BABAM2: variants seen among roughly 807,000 people sequenced by gnomAD.
BABAM2 encodes BRISC and BRCA1-A complex member 2.
Under a neutral mutation model 54.7 loss-of-function variants are expected in BABAM2, and 31 were observed. That is an observed-to-expected ratio of 0.57 (90% CI 0.43 to 0.77). The LOEUF (loss-of-function observed/expected upper bound fraction) is 0.77, where lower values mean the gene tolerates loss of function less well. BABAM2 is among the 30% of genes least tolerant of loss of function. The probability of loss-of-function intolerance (pLI) is 0.00; values close to 1 mark genes in which losing one functional copy is unlikely to be tolerated. For missense variants in BABAM2, 364 were observed against 455.8 expected (o/e 0.80, Z 1.83); for synonymous variants, 167 against 162.9 (o/e 1.03, Z -0.19).
chr2:28,066,391 A>G (rs1229721324), intron 6 of BABAM2, among the ~76,000 whole-genome samples: 1 of 152,096 alleles, frequency 6.6e-6, no homozygotes, highest in Non-Finnish European at 1.5e-5. Context: ...ATTATTATAT[A>G]TATTTATATT....
At chr2:28,327,051 G>A (rs1237793371) in intron 11 of BABAM2, among the ~76,000 whole-genome samples, 2 of 152,228 alleles carry the variant, frequency 1.3e-5, no homozygotes, top group Non-Finnish European at 2.9e-5. Context: ...TGCAAAGATG[G>A]ATGAATACGA....
intron 11 of BABAM2, among the ~76,000 whole-genome samples, chr2:28,332,875 A>G (rs147954065): frequency 6.6e-5 from 10 of 152,320 alleles, no homozygotes; most frequent in African/African-American, 2.2e-4. Context: ...ACAGTGTCCC[A>G]TGACTTTGGC....
chr2:27,987,567 C>T (rs1007515562), intron 3 of BABAM2, among the ~76,000 whole-genome samples: 1 of 152,042 alleles, frequency 6.6e-6, no homozygotes, highest in Non-Finnish European at 1.5e-5. Flanking sequence ...ATAATCCCAG[C>T]ACTTTGGGAG....
intron 3 of BABAM2, among the ~76,000 whole-genome samples, chr2:27,984,656 G>GT (rs1476138241): frequency 1.7e-4 from 25 of 151,280 alleles, no homozygotes; most frequent in African/African-American, 4.4e-4. Context: ...TTTATTTTTA[G>GT]TTTTTTTTGT....
chr2:28,338,825 C>T lies in BABAM2; in HGVS notation c.*312C>T. The stretch of plus-strand genomic sequence containing the variant: ...AAGTAAAGCCTCAGGAATGCCCACG[C>T]CTTTCTTCCAAAGCCTTTGTCTCTG... On this transcript the variant is annotated 3_prime_UTR_variant, in exon 12 of 12. Coordinates refer to ENST00000379624, the MANE Select transcript of BABAM2 (RefSeq NM_199191.3). The T allele has an allele frequency of 3.0e-6, 1 of 328,472 alleles. No individual in the cohort carries two copies. Among genetic ancestry groups the T allele is most frequent in the Non-Finnish European group, 5.8e-6 (1 of 173,316 alleles). 20.3% of individuals were successfully genotyped at this position (328,472 alleles called of 1,614,324 possible). A position where few individuals can be genotyped will look rare whatever the true frequency, so the allele number is the denominator to read the frequency against.
At chr2:27,925,143 T>C (rs751749178) in intron 2 of BABAM2, among the ~76,000 whole-genome samples, 17 of 152,190 alleles carry the variant, frequency 1.1e-4, no homozygotes, top group African/African-American at 3.9e-4. Flanking sequence ...TTCCCACTTA[T>C]GATATTGGAA....
chr2:28,129,184 G>C, intron 6 of BABAM2, 87 bp from the exon 7 acceptor site: 1 of 1,237,886 alleles, frequency 8.1e-7, no homozygotes, highest in Non-Finnish European at 1.2e-6. Flanking sequence ...CACAGTCATG[G>C]CTTCAATGCC....
At chr2:28,195,361 T>C (rs958712966) in intron 7 of BABAM2, among the ~76,000 whole-genome samples, 1 of 152,228 alleles carries the variant, frequency 6.6e-6, no homozygotes, top group Non-Finnish European at 1.5e-5. Context: ...TGCTCTCTTA[T>C]AGATAATAAT....
chr2:28,249,915 GAGCCACCACACCC>G (rs1352028658), intron 10 of BABAM2, among the ~76,000 whole-genome samples: 1 of 152,192 alleles, frequency 6.6e-6, no homozygotes, highest in Non-Finnish European at 1.5e-5. Context: ...TTACAGGCAT[GAGCCACCACACCC>G]AGCTTCTTGT....
At chr2:28,101,990 A>G (rs1337206567) in intron 6 of BABAM2, among the ~76,000 whole-genome samples, 2 of 152,228 alleles carry the variant, frequency 1.3e-5, no homozygotes, top group Admixed American at 6.5e-5. Flanking sequence ...CTAGAAAAAA[A>G]TCTTGGTATC....
At chr2:28,196,612 A>G (rs932251119) in intron 7 of BABAM2, among the ~76,000 whole-genome samples, 1 of 152,014 alleles carries the variant, frequency 6.6e-6, no homozygotes, top group Non-Finnish European at 1.5e-5. Flanking sequence ...GGAGGCTGAG[A>G]CAGAAGAATC....
intron 3 of BABAM2, among the ~76,000 whole-genome samples, chr2:27,952,129 G>C (rs1669775411): frequency 2.0e-5 from 3 of 152,178 alleles, no homozygotes. Context: ...CCTTGGAAAT[G>C]TTGTTTGCCT....
chr2:28,295,924 A>G (rs1232478384), intron 10 of BABAM2, among the ~76,000 whole-genome samples: 1 of 152,172 alleles, frequency 6.6e-6, no homozygotes, highest in Non-Finnish European at 1.5e-5. Flanking sequence ...CCTGACCAAC[A>G]TGGTGAAATT....
At chr2:28,251,920 G>A (rs996825811) in intron 10 of BABAM2, among the ~76,000 whole-genome samples, 5 of 152,180 alleles carry the variant, frequency 3.3e-5, no homozygotes, top group African/African-American at 1.2e-4. Context: ...GCTAGGTGCA[G>A]TGGCTCATGC....
At chr2:28,331,985 T>TA (rs1452246932) in intron 11 of BABAM2, among the ~76,000 whole-genome samples, 1 of 152,174 alleles carries the variant, frequency 6.6e-6, no homozygotes, top group Non-Finnish European at 1.5e-5. Flanking sequence ...TATGCAGCCA[T>TA]AAAAAGCAAG....
intron 5 of BABAM2, 116 bp from the exon 6 acceptor site, chr2:28,045,609 A>G: frequency 1.3e-6 from 1 of 768,520 alleles, no homozygotes; most frequent in Non-Finnish European, 2.0e-6. Flanking sequence ...ACGTTAGGAA[A>G]ACCAAATTGA....
intron 10 of BABAM2, among the ~76,000 whole-genome samples, chr2:28,265,870 T>C (rs1223654516): frequency 6.6e-6 from 1 of 152,208 alleles, no homozygotes; most frequent in Non-Finnish European, 1.5e-5. Flanking sequence ...CAAAGTCCCA[T>C]CCCCACCTGT....
At chr2:28,075,125 G>T (rs1273719459) in intron 6 of BABAM2, among the ~76,000 whole-genome samples, 5 of 152,084 alleles carry the variant, frequency 3.3e-5, no homozygotes. Flanking sequence ...GGCAGCTGTT[G>T]CCCTTGCCTG....
chr2:28,108,820 G>A (rs1667743320), intron 6 of BABAM2, among the ~76,000 whole-genome samples: 1 of 151,942 alleles, frequency 6.6e-6, no homozygotes, highest in South Asian at 2.1e-4. Context: ...TTTGGATATA[G>A]CAGAATGATG....
Sources: allele counts gnomAD v4.1 joint callset (sites outside exome capture counted in the v4.1 genomes callset), GRCh38; gene constraint gnomAD v4.1.1; transcripts MANE v1.5; gene names NCBI Gene and HGNC (gene_info 2026-07-23, HGNC 2026-07-21).